The following RIMS2 variants were observed in gnomAD, a reference collection of about 807,000 sequenced individuals.
The protein encoded by RIMS2 is regulating synaptic membrane exocytosis protein 2.
In RIMS2, 59 loss-of-function variants were observed where a neutral mutation model predicts 174.4. The ratio of observed to expected loss-of-function variants is 0.34; its 90% confidence interval spans 0.27 to 0.42. The LOEUF (loss-of-function observed/expected upper bound fraction) is 0.42, where lower values mean the gene tolerates loss of function less well. RIMS2 is among the 10% of genes least tolerant of loss of function. The probability of loss-of-function intolerance (pLI) is 1.00; values close to 1 mark genes in which losing one functional copy is unlikely to be tolerated. For synonymous variants in RIMS2, 606 were observed against 572.5 expected (o/e 1.06, Z -0.84); for missense variants, 1,620 against 1,666.3 (o/e 0.97, Z 0.48).
At chr8:103,998,261 C>G (rs962289512) in intron 17 of RIMS2, 1 of 1,591,630 alleles carries the variant, frequency 6.3e-7, no homozygotes, top group African/African-American at 1.3e-5. Flanking sequence ...GTATATTTTT[C>G]TTACAATTGA....
At chr8:103,589,232 G>A (rs1009795680) in intron 1 of RIMS2, among the ~76,000 whole-genome samples, 1 of 151,502 alleles carries the variant, frequency 6.6e-6, no homozygotes, top group Non-Finnish European at 1.5e-5. Context: ...AATAACTGTA[G>A]GAAAAAATCT....
chr8:103,715,601 A>C (rs552042362), intron 2 of RIMS2, among the ~76,000 whole-genome samples: 3 of 152,310 alleles, frequency 2.0e-5, no homozygotes, highest in Non-Finnish European at 4.4e-5. Flanking sequence ...CTTTATGTTA[A>C]AGAAAAGAGA....
chr8:103,752,075 T>C (rs938920815), intron 2 of RIMS2, among the ~76,000 whole-genome samples: 5 of 152,262 alleles, frequency 3.3e-5, no homozygotes, highest in African/African-American at 1.2e-4. Flanking sequence ...ACGGTTTTTC[T>C]GGTTTTAGGT....
At chr8:104,150,989 G>A (rs1449342156) in intron 19 of RIMS2, among the ~76,000 whole-genome samples, 2 of 152,056 alleles carry the variant, frequency 1.3e-5, no homozygotes, top group Non-Finnish European at 2.9e-5. Flanking sequence ...ACAATAAAGA[G>A]GTAAACTTAA....
chr8:104,185,918 A>G (rs923606981), intron 19 of RIMS2, among the ~76,000 whole-genome samples: 1 of 151,674 alleles, frequency 6.6e-6, no homozygotes, highest in Non-Finnish European at 1.5e-5. Context: ...TATCAAAAAG[A>G]TACCTGTACC....
intron 3 of RIMS2, among the ~76,000 whole-genome samples, chr8:103,799,353 T>G (rs1446367576): frequency 6.6e-6 from 1 of 152,176 alleles, no homozygotes; most frequent in African/African-American, 2.4e-5. Flanking sequence ...TATACTATAT[T>G]TTATTTGACA....
chr8:103,819,432 A>G, intron 3 of RIMS2: 2 of 1,590,168 alleles, frequency 1.3e-6, no homozygotes, highest in African/African-American at 1.4e-5. Context: ...TTTTTATTTG[A>G]TGGTGTCAGC....
At chr8:103,651,354 T>G (rs1394712574) in intron 1 of RIMS2, among the ~76,000 whole-genome samples, 1 of 152,244 alleles carries the variant, frequency 6.6e-6, no homozygotes, top group East Asian at 1.9e-4. Context: ...CTTTCATTCC[T>G]CTCCTTGAGT....
intron 1 of RIMS2, among the ~76,000 whole-genome samples, chr8:103,581,316 A>G (rs111969165): frequency 4.9e-4 from 75 of 152,352 alleles, no homozygotes; most frequent in South Asian, 1.2e-3. Context: ...GGAATCAAGC[A>G]TGGGCCAACA....
chr8:103,946,048 T>C (rs2154540875), intron 14 of RIMS2, among the ~76,000 whole-genome samples: 1 of 152,308 alleles, frequency 6.6e-6, no homozygotes. Context: ...AGAAACTGCC[T>C]TTATTCACAG....
At position 103,659,595 on chromosome 8, in the gene RIMS2, G is replaced by A. The variant is rs1229949770; in HGVS notation, c.177-37491G>A. 3.3e-5 allele frequency among the ~76,000 whole-genome samples: 5 copies of A among 152,146 alleles called. No individual in the cohort carries two copies. The East Asian group carries it at 9.7e-4, about 29-fold the overall frequency. ...GCCTGAGGACTTTCCAGTTTTTACTGCTGCAGCAGCTGCTACCCCAGTTTC... is the reference window on the plus strand; with the variant it reads ...GCCTGAGGACTTTCCAGTTTTTACTACTGCAGCAGCTGCTACCCCAGTTTC... On this transcript the variant is annotated intron_variant, in intron 1 of 23. Coordinates refer to ENST00000504942, the Ensembl canonical transcript of RIMS2.
At chr8:103,785,838 A>G (rs1274653145) in intron 3 of RIMS2, among the ~76,000 whole-genome samples, 1 of 152,230 alleles carries the variant, frequency 6.6e-6, no homozygotes, top group African/African-American at 2.4e-5. Flanking sequence ...TAGTTTCAGA[A>G]GGAATGGTAC....
chr8:104,241,598 T>C (rs1207526191), intron 19 of RIMS2, among the ~76,000 whole-genome samples: 3 of 152,166 alleles, frequency 2.0e-5, no homozygotes, highest in Non-Finnish European at 4.4e-5. Flanking sequence ...TTCTTGTACG[T>C]ATCCTCATTC....
chr8:103,935,200 T>C (rs1417795311), intron 12 of RIMS2, among the ~76,000 whole-genome samples: 1 of 152,232 alleles, frequency 6.6e-6, no homozygotes, highest in Non-Finnish European at 1.5e-5. Flanking sequence ...TTGTTTCAGA[T>C]AAGTTATTCC....
intron 3 of RIMS2, among the ~76,000 whole-genome samples, chr8:103,861,285 C>T (rs1285631594): frequency 2.0e-5 from 3 of 152,084 alleles, no homozygotes; most frequent in Non-Finnish European, 4.4e-5. Flanking sequence ...CCAGCTCTAC[C>T]CATGCTGTTG....
At chr8:103,697,058 CT>C (rs760225090) in intron 1 of RIMS2, 27 bp from the exon 4 acceptor site, 13 of 1,555,732 alleles carry the variant, frequency 8.4e-6, no homozygotes, top group African/African-American at 2.7e-5. Context: ...AGGAAACCAA[CT>C]TTTTTTCTTA....
At chr8:103,652,833 G>C (rs2096476607) in intron 1 of RIMS2, 123 bp downstream of exon 3, 1 of 439,014 alleles carries the variant, frequency 2.3e-6, no homozygotes, top group Admixed American at 2.9e-5. Context: ...TTCGGTTAGG[G>C]TTTGATACTG....
chr8:103,559,827 GC>G (rs1270128483), intron 1 of RIMS2, among the ~76,000 whole-genome samples: 1 of 152,174 alleles, frequency 6.6e-6, no homozygotes, highest in African/African-American at 2.4e-5. Flanking sequence ...GAGATGAAGG[GC>G]TGTTGGTTAC....
chr8:103,578,047 G>A (rs371174694), intron 1 of RIMS2, among the ~76,000 whole-genome samples: 137 of 152,188 alleles, frequency 9.0e-4, no homozygotes, highest in African/African-American at 3.2e-3. Context: ...AACAAGGAGT[G>A]GAAAGATTAT....
Sources: gnomAD v4.1 joint callset for allele counts (sites outside exome capture counted in the v4.1 genomes callset) on GRCh38, gnomAD v4.1.1 for gene constraint, MANE v1.5 for transcripts, NCBI Gene and HGNC (gene_info 2026-07-23, HGNC 2026-07-21) for gene names.